XRCC4: variants seen among roughly 807,000 people sequenced by gnomAD.
The protein encoded by XRCC4 is DNA repair protein XRCC4.
Under a neutral mutation model 39.1 loss-of-function variants are expected in XRCC4, and 28 were observed. The ratio of observed to expected loss-of-function variants is 0.72; its 90% CI spans 0.53 to 0.98. The LOEUF is 0.98. XRCC4 is among the 50% of genes least tolerant of loss of function. XRCC4 has a pLI of 0.00. For synonymous variants in XRCC4, 123 were observed against 126.4 expected, an observed-to-expected ratio of 0.97 and a Z score of 0.18; for missense variants, 350 against 376.4, an observed-to-expected ratio of 0.93 and a Z score of 0.58.
intron 7 of XRCC4, among the ~76,000 whole-genome samples, chr5:83,322,517 C>T (rs1302880674): frequency 2.0e-5 from 3 of 152,158 alleles, no homozygotes; most frequent in African/African-American, 7.2e-5. Flanking sequence ...GCCGCATGCG[C>T]ATGTCCTAAT....
chr5:83,302,506 C>G (rs1015955498), intron 7 of XRCC4, among the ~76,000 whole-genome samples: 5 of 152,186 alleles, frequency 3.3e-5, no homozygotes, highest in African/African-American at 9.7e-5. Flanking sequence ...TCAGCTCTCC[C>G]TCTGAGGGCT....
At chr5:83,188,190 C>G (rs183759595) in intron 3 of XRCC4, among the ~76,000 whole-genome samples, 1 of 151,992 alleles carries the variant, frequency 6.6e-6, no homozygotes, top group Admixed American at 6.6e-5. Context: ...TTTGTAAAAG[C>G]TGCAATTAAG....
At chr5:83,102,712 T>C (rs954343616) in intron 1 of XRCC4, among the ~76,000 whole-genome samples, 11 of 152,096 alleles carry the variant, frequency 7.2e-5, no homozygotes, top group African/African-American at 2.7e-4. Context: ...CAGCTCCTTA[T>C]CTGGCAATGC....
At chr5:83,134,226 C>CTCA (rs759734926) in intron 3 of XRCC4, among the ~76,000 whole-genome samples, 14 of 152,114 alleles carry the variant, frequency 9.2e-5, no homozygotes, top group Non-Finnish European at 1.9e-4. Context: ...GGGGTAGGTG[C>CTCA]CGCAAAGTCC....
intron 7 of XRCC4, among the ~76,000 whole-genome samples, chr5:83,329,392 G>T (rs1476019054): frequency 1.3e-5 from 2 of 152,012 alleles, no homozygotes; most frequent in South Asian, 2.1e-4. Flanking sequence ...AGCTGACAAA[G>T]AATTTGTATT....
chr5:83,316,495 A>T (rs1383982958), intron 7 of XRCC4, among the ~76,000 whole-genome samples: 3 of 151,062 alleles, frequency 2.0e-5, no homozygotes, highest in African/African-American at 4.9e-5. Flanking sequence ...TCAAAATAAA[A>T]GGATGGAGAA....
intron 7 of XRCC4, chr5:83,280,276 G>A (rs892544565): frequency 2.7e-6 from 1 of 372,670 alleles, no homozygotes; most frequent in African/African-American, 2.2e-5. Context: ...ATATCCGGAT[G>A]TCTTTGATAC....
intron 7 of XRCC4, among the ~76,000 whole-genome samples, chr5:83,324,778 T>C (rs1300130947): frequency 1.3e-5 from 2 of 152,136 alleles, no homozygotes; most frequent in East Asian, 3.9e-4. Flanking sequence ...GTATTTGACA[T>C]TAGGTAGTAC....
the XRCC4 span, among the ~76,000 whole-genome samples, chr5:83,366,857 C>T: frequency 6.6e-6 from 1 of 152,120 alleles, no homozygotes; most frequent in African/African-American, 2.4e-5. Flanking sequence ...TCCCAGACCA[C>T]CCTATGTAAA....
At chr5:83,103,009 G>GATAGATATATATATATATATAT (rs1554054064) in intron 1 of XRCC4, among the ~76,000 whole-genome samples, 1 of 106,464 alleles carries the variant, frequency 9.4e-6, no homozygotes, top group Non-Finnish European at 1.9e-5. Context: ...AGATAGAGCT[G>GATAGATATATATATATATATAT]ATATATATAT....
chr5:83,161,229 G>C (rs965886191), intron 3 of XRCC4, among the ~76,000 whole-genome samples: 3 of 151,772 alleles, frequency 2.0e-5, no homozygotes, highest in Non-Finnish European at 4.4e-5. Context: ...TCCTGCCTCA[G>C]CCTCCCAAGT....
chr5:83,079,332 G>T (rs1422606386), intron 1 of XRCC4, among the ~76,000 whole-genome samples: 1 of 152,084 alleles, frequency 6.6e-6, no homozygotes, highest in Non-Finnish European at 1.5e-5. Context: ...TTAATCTGAC[G>T]TGGTGAGTTT....
At chr5:83,332,202 TTGAATA>T (rs1205090095) in intron 7 of XRCC4, among the ~76,000 whole-genome samples, 20 of 149,138 alleles carry the variant, frequency 1.3e-4, no homozygotes, top group Admixed American at 9.5e-4. Flanking sequence ...TAAACTCTTC[TTGAATA>T]TGAACATTTC....
intron 7 of XRCC4, among the ~76,000 whole-genome samples, chr5:83,293,384 C>G (rs1203467113): frequency 6.6e-6 from 1 of 152,030 alleles, no homozygotes; most frequent in African/African-American, 2.4e-5. Flanking sequence ...TATCTGTCAT[C>G]TCATCCATTC....
At chr5:83,369,542 C>A in the XRCC4 span, among the ~76,000 whole-genome samples, 1 of 152,150 alleles carries the variant, frequency 6.6e-6, no homozygotes. Context: ...AGGATAATGG[C>A]CTCCAGCTGC....
chr5:83,335,047 G>A (rs1756553182), intron 7 of XRCC4, among the ~76,000 whole-genome samples: 1 of 152,028 alleles, frequency 6.6e-6, no homozygotes, highest in East Asian at 1.9e-4. Flanking sequence ...GACTTTGGGT[G>A]AAACCTAAAA....
intron 6 of XRCC4, among the ~76,000 whole-genome samples, chr5:83,227,838 A>G (rs1580395767): frequency 6.6e-6 from 1 of 152,076 alleles, no homozygotes; most frequent in Non-Finnish European, 1.5e-5. Flanking sequence ...CATATTCATC[A>G]TAGGTTTATA....
intron 3 of XRCC4, among the ~76,000 whole-genome samples, chr5:83,137,469 G>A (rs892185719): frequency 4.6e-5 from 7 of 152,090 alleles, no homozygotes; most frequent in Non-Finnish European, 8.8e-5. Context: ...TTTTTGAATA[G>A]CTATAGTCTT....
intron 7 of XRCC4, among the ~76,000 whole-genome samples, chr5:83,284,319 G>A: frequency 6.6e-6 from 1 of 151,854 alleles, no homozygotes; most frequent in East Asian, 1.9e-4. Context: ...CAGTGACTAA[G>A]AATTTTTTTA....
Sources: allele counts gnomAD v4.1 joint callset (sites outside exome capture counted in the v4.1 genomes callset), GRCh38; gene constraint gnomAD v4.1.1; transcripts MANE v1.5; gene names NCBI Gene and HGNC (gene_info 2026-07-23, HGNC 2026-07-21).